Variants in VCL observed in about 807,000 individuals in gnomAD.
The protein encoded by VCL is vinculin, also known as epididymis luminal protein 114.
In VCL, 47 loss-of-function variants were observed where a neutral mutation model predicts 125.7. That is an observed-to-expected ratio of 0.37 (90% CI 0.30 to 0.48). VCL has a LOEUF of 0.48. Among genes scored for constraint, VCL ranks in the 20% least tolerant of loss-of-function variants. The pLI is 0.99. For missense variants in VCL, 1,069 were observed against 1,455.5 expected, an observed-to-expected ratio of 0.73 and a Z score of 4.32; for synonymous variants, 458 against 514.6, an observed-to-expected ratio of 0.89 and a Z score of 1.49.
Position 74,103,848 on chromosome 10 carries a change from G to T in VCL, c.2051G>T (p.Arg684Met), listed in dbSNP as rs1276378916. Residue 684 changes from arginine (R) to methionine (M), a missense_variant, in exon 15 of 22, where the codon AGG (arginine) becomes ATG (methionine). Physicochemically the swap from Arg to Met is moderately conservative, Grantham distance 91. Coordinates refer to ENST00000211998, the MANE Select transcript of VCL (RefSeq NM_014000.3). ...QVVSAARILL[R>M]NPGNQAAYEH... ...GTCTCGGCTGCTCGTATCTTACTTA[G>T]GAACCCTGGAAATCAAGCTGCTTAT... 1 of 1,614,114 alleles carries T rather than the reference G, an allele frequency of 6.2e-7. No individual in the cohort carries two copies. Among genetic ancestry groups the T allele is most frequent in the East Asian group, 2.2e-5 (1 of 44,884 alleles).
intron 1 of VCL, among the ~76,000 whole-genome samples, chr10:74,010,223 C>A (rs373912956): frequency 1.3e-5 from 2 of 152,114 alleles, no homozygotes; most frequent in East Asian, 3.8e-4. Context: ...ACTGCACCAG[C>A]CTACCTTTTT....
intron 1 of VCL, among the ~76,000 whole-genome samples, chr10:74,019,672 A>G (rs985042874): frequency 6.6e-6 from 1 of 152,202 alleles, no homozygotes; most frequent in African/African-American, 2.4e-5. Flanking sequence ...GAAAAAGAAA[A>G]GATAAATTCT....
At chr10:74,098,436 T>C (rs927440246) in intron 13 of VCL, among the ~76,000 whole-genome samples, 3 of 152,236 alleles carry the variant, frequency 2.0e-5, no homozygotes, top group Non-Finnish European at 2.9e-5. Flanking sequence ...GAAAGCTCCA[T>C]GCAGGGAGGG....
intron 10 of VCL, among the ~76,000 whole-genome samples, chr10:74,090,695 A>G (rs1458081040): frequency 6.6e-6 from 1 of 152,006 alleles, no homozygotes; most frequent in Non-Finnish European, 1.5e-5. Context: ...TTCCTGGATG[A>G]TTTTTCTTGT....
chr10:74,057,843 G>A, intron 2 of VCL, among the ~76,000 whole-genome samples: 1 of 152,108 alleles, frequency 6.6e-6, no homozygotes, highest in South Asian at 2.1e-4. Context: ...TAAGGTAGGA[G>A]GATCACTTGA....
At chr10:74,015,312 G>A (rs965576925) in intron 1 of VCL, among the ~76,000 whole-genome samples, 1 of 152,172 alleles carries the variant, frequency 6.6e-6, no homozygotes, top group Admixed American at 6.5e-5. Context: ...CAGCACTTTG[G>A]GGGGCCCAGG....
chr10:74,050,932 ATTTTTTT>A (rs10607921), intron 2 of VCL, among the ~76,000 whole-genome samples: 1 of 77,462 alleles, frequency 1.3e-5, no homozygotes, highest in Non-Finnish European at 2.3e-5. Flanking sequence ...GTACTACTGT[ATTTTTTT>A]TTTTTTTTTT....
At chr10:74,037,388 C>G (rs983185959) in intron 1 of VCL, among the ~76,000 whole-genome samples, 1 of 152,200 alleles carries the variant, frequency 6.6e-6, no homozygotes, top group Non-Finnish European at 1.5e-5. Flanking sequence ...CAGTTGTTCT[C>G]AAATAGGACA....
rs1283798820 is a variant in VCL, at chr10:74,105,220, T to C, written c.2301T>C (p.Ala767=). 1 of 1,614,132 alleles carries C rather than the reference T, an allele frequency of 6.2e-7. No individual in the cohort carries two copies. The highest frequency in any genetic ancestry group is 2.2e-5 in the East Asian group (1 of 44,876). The change falls in exon 16 of 22, where the codon GCT becomes GCC. Residue 767 remains alanine (A), a synonymous_variant. Coordinates refer to ENST00000211998, the MANE Select transcript of VCL (RefSeq NM_014000.3). ...ARRANRILLV[A]KREVENSEDP... ...GGGCCAACCGGATCCTGCTGGTGGC[T>C]AAGAGGGAGGTGGAGAATTCCGAGG...
intron 1 of VCL, among the ~76,000 whole-genome samples, chr10:74,030,297 A>G (rs964147815): frequency 6.6e-6 from 1 of 152,226 alleles, no homozygotes; most frequent in East Asian, 1.9e-4. Flanking sequence ...AATTGTCAAG[A>G]AAGTCCCAGA....
intron 1 of VCL, among the ~76,000 whole-genome samples, chr10:74,008,098 C>T (rs1289514635): frequency 6.6e-6 from 1 of 152,074 alleles, no homozygotes; most frequent in African/African-American, 2.4e-5. Context: ...GCCACCGCGC[C>T]CGGCCTAAAT....
At chr10:73,999,177 T>C (rs975580432) in intron 1 of VCL, among the ~76,000 whole-genome samples, 3 of 152,192 alleles carry the variant, frequency 2.0e-5, no homozygotes, top group Non-Finnish European at 4.4e-5. Flanking sequence ...CTGGGGCCTT[T>C]CTAGACTCGG....
At chr10:74,039,491 A>T (rs1262599907) in intron 1 of VCL, among the ~76,000 whole-genome samples, 1 of 151,954 alleles carries the variant, frequency 6.6e-6, no homozygotes, top group Non-Finnish European at 1.5e-5. Context: ...ACCTTTTAAA[A>T]AGAAAATCAG....
At chr10:74,002,345 G>C (rs1267446176) in intron 1 of VCL, among the ~76,000 whole-genome samples, 1 of 150,972 alleles carries the variant, frequency 6.6e-6, no homozygotes, top group African/African-American at 2.4e-5. Flanking sequence ...GGCTGGTCTT[G>C]AACTCCTGAC....
At chr10:74,100,435 A>T (rs1441359768) in intron 13 of VCL, among the ~76,000 whole-genome samples, 2 of 152,230 alleles carry the variant, frequency 1.3e-5, no homozygotes, top group Non-Finnish European at 2.9e-5. Flanking sequence ...TCAATGGCAG[A>T]GTTTTTACAA....
intron 9 of VCL, among the ~76,000 whole-genome samples, 184 bp downstream of exon 9, chr10:74,089,533 T>C (rs1366059857): frequency 6.6e-6 from 1 of 152,192 alleles, no homozygotes; most frequent in Non-Finnish European, 1.5e-5. Flanking sequence ...TTTAGACAAA[T>C]GTTTATCTAT....
At chr10:74,089,066 T>C in intron 8 of VCL, 130 bp from the exon 9 acceptor site, 4 of 1,352,986 alleles carry the variant, frequency 3.0e-6, no homozygotes, top group Non-Finnish European at 2.1e-6. Context: ...TCTTGTGCTG[T>C]CCCAGATTTA....
At chr10:74,089,379 G>A (rs1839840907) in intron 9 of VCL, 30 bp downstream of exon 9, 2 of 1,611,758 alleles carry the variant, frequency 1.2e-6, no homozygotes, top group Non-Finnish European at 1.7e-6. Flanking sequence ...GGAGGGGTGG[G>A]AAATATTTCA....
chr10:74,036,224 C>T (rs893317483), intron 1 of VCL, among the ~76,000 whole-genome samples: 9 of 151,832 alleles, frequency 5.9e-5, no homozygotes, highest in African/African-American at 1.2e-4. Context: ...TTTTTTTAGA[C>T]GGAGTTTTGC....
Sources: allele counts gnomAD v4.1 joint callset (sites outside exome capture counted in the v4.1 genomes callset), GRCh38; gene constraint gnomAD v4.1.1; transcripts MANE v1.5; gene names NCBI Gene and HGNC (gene_info 2026-07-23, HGNC 2026-07-21).